Variants in TJP2 observed in about 807,000 individuals in gnomAD.
TJP2 encodes the protein Friedreich ataxia region gene X104 (tight junction protein ZO-2).
In TJP2, 91 loss-of-function variants were observed where a neutral mutation model predicts 133.1. The ratio of observed to expected loss-of-function variants is 0.68; its 90% CI spans 0.58 to 0.81. TJP2 has a LOEUF of 0.81. Among genes scored for constraint, TJP2 ranks in the 40% least tolerant of loss-of-function variants. The pLI is 0.00. For synonymous variants in TJP2, 592 were observed against 583.4 expected (o/e 1.01, Z -0.21); for missense variants, 1,541 against 1,565.6 (o/e 0.98, Z 0.26).
intron 1 of TJP2, among the ~76,000 whole-genome samples, chr9:69,122,828 C>T (rs917084628): frequency 6.6e-6 from 1 of 152,326 alleles, no homozygotes; most frequent in African/African-American, 2.4e-5. Flanking sequence ...TTTCTGAACG[C>T]ATTTCCACAA....
At chr9:69,176,569 C>T (rs142623512) in intron 1 of TJP2, among the ~76,000 whole-genome samples, 1 of 152,334 alleles carries the variant, frequency 6.6e-6, no homozygotes, top group African/African-American at 2.4e-5. Flanking sequence ...AGAAGCGAAC[C>T]AGTTTCCCAG....
At chr9:69,164,663 C>T (rs1824254873) in intron 2 of TJP2, among the ~76,000 whole-genome samples, 1 of 152,022 alleles carries the variant, frequency 6.6e-6, no homozygotes, top group South Asian at 2.1e-4. Context: ...GCTGCGAGAG[C>T]AAAAATCGTC....
At chr9:69,211,630 T>C (rs1245639440) in intron 1 of TJP2, among the ~76,000 whole-genome samples, 1 of 152,230 alleles carries the variant, frequency 6.6e-6, no homozygotes, top group East Asian at 1.9e-4. Context: ...CATGAGTGTT[T>C]GGCAGGGTGT....
chr9:69,231,469 T>A (rs898114161), intron 11 of TJP2, among the ~76,000 whole-genome samples: 2 of 151,900 alleles, frequency 1.3e-5, no homozygotes, highest in Non-Finnish European at 2.9e-5. Flanking sequence ...GTTTTTTTTT[T>A]CTTGTTAATG....
intron 1 of TJP2, among the ~76,000 whole-genome samples, chr9:69,212,200 T>C (rs572236761): frequency 2.6e-5 from 4 of 152,214 alleles, no homozygotes; most frequent in Non-Finnish European, 5.9e-5. Flanking sequence ...AGGGGGAGAA[T>C]GATTTTAAAA....
intron 2 of TJP2, among the ~76,000 whole-genome samples, chr9:69,163,463 C>G (rs1035446201): frequency 6.6e-6 from 1 of 152,044 alleles, no homozygotes; most frequent in Non-Finnish European, 1.5e-5. Context: ...TGGCGAAACC[C>G]CATCTCTACC....
At chr9:69,208,489 T>C (rs1827609792) in intron 1 of TJP2, among the ~76,000 whole-genome samples, 1 of 152,190 alleles carries the variant, frequency 6.6e-6, no homozygotes, top group Non-Finnish European at 1.5e-5. Flanking sequence ...CATCCCATTA[T>C]TGAAGGGCTG....
chr9:69,174,682 A>AG (rs1353805054), intron 1 of TJP2, among the ~76,000 whole-genome samples: 4 of 152,304 alleles, frequency 2.6e-5, no homozygotes, highest in African/African-American at 9.6e-5. Flanking sequence ...AGGCGCGAGT[A>AG]GGGGACACTG....
intron 17 of TJP2, 155 bp from the exon 18 acceptor site, chr9:69,246,535 T>TA: frequency 1.4e-6 from 1 of 708,082 alleles, no homozygotes; most frequent in South Asian, 1.5e-5. Flanking sequence ...TTGCATTCAT[T>TA]AAAAGGGTTT....
chr9:69,221,272 G>A lies in TJP2; in HGVS notation c.728G>A (p.Arg243Gln), dbSNP rs1226921702. 3.1e-6 allele frequency: 5 copies of A among 1,608,180 alleles called. No homozygotes were observed. The highest frequency in any genetic ancestry group is 4.2e-6 in the Non-Finnish European group (5 of 1,177,712). ...RDRDRDRSRG[R>Q]SIDQDYERAY... ...CGGGACCGTGACCGCAGCCGCGGCC[G>A]GAGCATTGACCAGGACTACGAGCGA... is the stretch of plus-strand genomic sequence containing the variant. The change falls in exon 5 of 23, where the codon CGG (arginine) becomes CAG (glutamine). Residue 243 changes from arginine to glutamine, a missense_variant. Coordinates refer to ENST00000377245, the MANE Select transcript of TJP2 (RefSeq NM_004817.4).
At chr9:69,224,472 G>T (rs1281262274) in intron 5 of TJP2, among the ~76,000 whole-genome samples, 1 of 152,186 alleles carries the variant, frequency 6.6e-6, no homozygotes, top group South Asian at 2.1e-4. Context: ...GAGGTCAGGA[G>T]TTCGAGACTA....
intron 2 of TJP2, among the ~76,000 whole-genome samples, chr9:69,168,635 A>T (rs1030703801): frequency 4.0e-5 from 6 of 151,636 alleles, no homozygotes; most frequent in Non-Finnish European, 8.8e-5. Context: ...TCTCTACTAA[A>T]AATACAAAAA....
At chr9:69,139,326 CAG>C (rs776801733) in intron 1 of TJP2, among the ~76,000 whole-genome samples, 1 of 152,214 alleles carries the variant, frequency 6.6e-6, no homozygotes, top group Non-Finnish European at 1.5e-5. Flanking sequence ...CCCAGTTCCT[CAG>C]AATGTGCCTT....
At chr9:69,223,882 T>C (rs181161266) in intron 5 of TJP2, among the ~76,000 whole-genome samples, 122 of 152,354 alleles carry the variant, frequency 8.0e-4, no homozygotes, top group Middle Eastern at 6.8e-3. Context: ...TATTTTAAAA[T>C]TGACTTCATA....
intron 1 of TJP2, among the ~76,000 whole-genome samples, chr9:69,209,281 C>T (rs562918475): frequency 8.5e-5 from 13 of 152,210 alleles, no homozygotes; most frequent in Admixed American, 2.6e-4. Flanking sequence ...TACAGATATG[C>T]GCCACCACGC....
rs142166447 is a variant in TJP2, at chr9:69,164,648, T to A, written c.-10+12877T>A. ...AGCATTGCTTGGATAAAACTCACTT[T>A]AGTTGCTGCGAGAGCAAAAATCGTC... is the stretch of plus-strand genomic sequence containing the variant. On this transcript the variant is annotated intron_variant, in intron 2 of 5. Coordinates refer to the TJP2 transcript ENST00000423935. Among the ~76,000 whole-genome samples the A allele has an allele frequency of 8.5e-3, 1,296 of 152,292 alleles. 18 individuals are homozygous for A. The highest frequency in any genetic ancestry group is 0.029 in the African/African-American group (1,200 of 41,558).
chr9:69,241,257 T>G (rs527714892), intron 17 of TJP2, among the ~76,000 whole-genome samples: 334 of 152,378 alleles, frequency 2.2e-3, no homozygotes, highest in Non-Finnish European at 3.8e-3. Context: ...TATAAATGAT[T>G]AATTCTGTGC....
rs10577570 is a variant in TJP2, at chr9:69,133,546, C to CTTTTTTTTTTTTT, written c.-131+11832_-131+11844dup. ...ATGCTTTCCTGTTTCATTTTTCTGG[C>CTTTTTTTTTTTTT]TTTTTTTTTTTTTTTTTTTTTTTGA... is the stretch of plus-strand genomic sequence containing the variant. On this transcript the variant is annotated intron_variant, in intron 1 of 5. Transcript: ENST00000423935. Among the ~76,000 whole-genome samples the CTTTTTTTTTTTTT allele has an allele frequency of 1.5e-4, 16 of 104,780 alleles. 1 individual carries two copies. Among genetic ancestry groups the CTTTTTTTTTTTTT allele is most frequent in the African/African-American group, 6.2e-4 (16 of 25,672 alleles). 68.7% of individuals were successfully genotyped at this position (104,780 alleles called of 152,430 possible). A position where few individuals can be genotyped will look rare whatever the true frequency, so the allele number is the denominator to read the frequency against.
At chr9:69,161,214 A>ATGTG (rs111442939) in intron 2 of TJP2, among the ~76,000 whole-genome samples, 3,808 of 148,390 alleles carry the variant, frequency 0.026, 46 homozygotes, top group Non-Finnish European at 0.034. Flanking sequence ...GTCATCAGTG[A>ATGTG]TGTGTGTGTG....
Sources: gnomAD v4.1 joint callset for allele counts (sites outside exome capture counted in the v4.1 genomes callset) on GRCh38, gnomAD v4.1.1 for gene constraint, MANE v1.5 for transcripts, NCBI Gene and HGNC (gene_info 2026-07-23, HGNC 2026-07-21) for gene names.